Variants in RASA3 observed in about 807,000 individuals in gnomAD.
The protein encoded by RASA3 is ras GTPase-activating protein 3.
A neutral mutation model predicts 110.0 loss-of-function variants in RASA3; 73 were observed. The observed-to-expected ratio is 0.66, with a 90% CI of 0.55 to 0.81. The LOEUF (loss-of-function observed/expected upper bound fraction) is 0.81, where lower values mean the gene tolerates loss of function less well. Among genes scored for constraint, RASA3 ranks in the 30% least tolerant of loss-of-function variants. The probability of loss-of-function intolerance (pLI) is 0.00; values close to 1 mark genes in which losing one functional copy is unlikely to be tolerated. For missense variants in RASA3, 976 were observed against 1,113.2 expected, an observed-to-expected ratio of 0.88 and a Z score of 1.75; for synonymous variants, 500 against 451.4, an observed-to-expected ratio of 1.11 and a Z score of -1.37.
intron 2 of RASA3, among the ~76,000 whole-genome samples, chr13:114,069,749 CT>C (rs563929191): frequency 1.8e-4 from 1 of 5,484 alleles, no homozygotes; most frequent in Non-Finnish European, 3.0e-4. Flanking sequence ...GGCTGGGAGA[CT>C]TGGGGGGCTG....
At chr13:114,040,243 G>A (rs1377614158) in intron 4 of RASA3, among the ~76,000 whole-genome samples, 1 of 152,118 alleles carries the variant, frequency 6.6e-6, no homozygotes, top group African/African-American at 2.4e-5. Context: ...GACAGAGCCT[G>A]CGCTCACTCC....
chr13:113,992,070 AC>A (rs1421300237), intron 22 of RASA3, among the ~76,000 whole-genome samples: 1 of 152,044 alleles, frequency 6.6e-6, no homozygotes, highest in Non-Finnish European at 1.5e-5. Flanking sequence ...ACACGCTCAC[AC>A]ATGTCCACAT....
chr13:114,118,339 A>G (rs2080324324), intron 1 of RASA3, among the ~76,000 whole-genome samples: 1 of 152,138 alleles, frequency 6.6e-6, no homozygotes, highest in African/African-American at 2.4e-5. Flanking sequence ...GTGGGAGGAC[A>G]TTTTAGTGGG....
intron 9 of RASA3, among the ~76,000 whole-genome samples, chr13:114,020,584 A>G (rs2053905278): frequency 6.6e-6 from 1 of 152,212 alleles, no homozygotes; most frequent in South Asian, 2.1e-4. Context: ...CTGGGAGTGC[A>G]CGCTTCCCGT....
At chr13:114,069,709 CAGGAGACTTGGGGGGCT>C (rs1566548295) in intron 2 of RASA3, among the ~76,000 whole-genome samples, 11 of 10,754 alleles carry the variant, frequency 1.0e-3, no homozygotes, top group African/African-American at 3.1e-3. Context: ...CTCGGGGGGC[CAGGAGACTTGGGGGGCT>C]GGGAGGCTCG....
At chr13:114,001,402 G>A (rs1302659325) in intron 18 of RASA3, among the ~76,000 whole-genome samples, 1 of 145,620 alleles carries the variant, frequency 6.9e-6, no homozygotes, top group Non-Finnish European at 1.5e-5. Flanking sequence ...AGGGCGGGCA[G>A]TGGACGCTCA....
chr13:113,989,413 C>T (rs1475906579), intron 22 of RASA3, among the ~76,000 whole-genome samples: 5 of 149,980 alleles, frequency 3.3e-5, no homozygotes, highest in Non-Finnish European at 7.4e-5. Context: ...ACTCACCCAT[C>T]CTTCCATCCA....
rs199726848 is a variant in RASA3 at position 114,010,062 on chromosome 13, T to TC, written c.1591-599dup. 6.0e-3 allele frequency among the ~76,000 whole-genome samples: 918 copies of TC among 152,146 alleles called. 4 individuals carry two copies. Among genetic ancestry groups the TC allele is most frequent in the African/African-American group, 0.021 (878 of 41,534 alleles). ...GTTTGGTGCAGACCTCGGAGGAGGC[T>TC]CAAGTGCCTGTTATGGAGTTTCCAG... On this transcript the variant is annotated intron_variant, in intron 16 of 23. Coordinates refer to ENST00000334062, the MANE Select transcript of RASA3 (RefSeq NM_007368.4).
intron 2 of RASA3, among the ~76,000 whole-genome samples, chr13:114,058,059 A>C (rs1237701571): frequency 6.6e-6 from 1 of 152,024 alleles, no homozygotes; most frequent in African/African-American, 2.4e-5. Flanking sequence ...CTATTCATTC[A>C]TTTTAGCACG....
intron 2 of RASA3, among the ~76,000 whole-genome samples, chr13:114,069,306 G>A (rs1468770106): frequency 6.6e-6 from 1 of 151,896 alleles, no homozygotes; most frequent in Non-Finnish European, 1.5e-5. Context: ...CGGCCAGAGA[G>A]CACCCTGGGG....
chr13:114,123,177 C>T (rs1343585460), intron 1 of RASA3, among the ~76,000 whole-genome samples: 5 of 152,214 alleles, frequency 3.3e-5, no homozygotes, highest in East Asian at 1.9e-4. Flanking sequence ...CACCGGACGC[C>T]GAGGTGGCCG....
chr13:114,119,344 A>G (rs1184060767), intron 1 of RASA3, among the ~76,000 whole-genome samples: 1 of 152,208 alleles, frequency 6.6e-6, no homozygotes, highest in Non-Finnish European at 1.5e-5. Context: ...GGAGAGAGAA[A>G]GGAATGCCAC....
chr13:114,003,627 T>C (rs1034750001), intron 18 of RASA3, among the ~76,000 whole-genome samples: 5 of 151,796 alleles, frequency 3.3e-5, no homozygotes, highest in African/African-American at 1.2e-4. Context: ...TGTGTAGCTG[T>C]TGGACGTGCC....
chr13:114,000,498 C>T lies in RASA3; in HGVS notation c.1849+328G>A, dbSNP rs191436494. Among the ~76,000 whole-genome samples the T allele has an allele frequency of 3.9e-5, 6 of 152,294 alleles. 1 individual carries two copies. The highest frequency in any genetic ancestry group is 1.4e-4 in the African/African-American group (6 of 41,568). The stretch of plus-strand genomic sequence containing the variant: ...AGGTGGTGGGAAGCCCCGTCTACCT[C>T]GGCGGAGCGGCACCCTGGCCATGAC... On this transcript the variant is annotated intron_variant, in intron 19 of 23. Coordinates refer to ENST00000334062, the MANE Select transcript of RASA3 (RefSeq NM_007368.4).
chr13:114,023,300 G>A (rs2053965061), intron 8 of RASA3, among the ~76,000 whole-genome samples: 2 of 151,778 alleles, frequency 1.3e-5, no homozygotes, highest in African/African-American at 2.4e-5. Flanking sequence ...CAGGCTTGGG[G>A]GCATCCCAGG....
At chr13:114,124,105 G>A (rs938273254) in intron 1 of RASA3, among the ~76,000 whole-genome samples, 20 of 152,174 alleles carry the variant, frequency 1.3e-4, no homozygotes, top group African/African-American at 3.9e-4. Context: ...CCCAGGACAC[G>A]CAGGTCAGCG....
intron 1 of RASA3, among the ~76,000 whole-genome samples, chr13:114,077,362 T>C (rs1472745029): frequency 7.0e-6 from 1 of 142,294 alleles, no homozygotes; most frequent in African/African-American, 2.7e-5. Context: ...TGCCTGACGA[T>C]GCCCAGTCCT....
At chr13:114,001,967 G>C (rs949658577) in intron 18 of RASA3, among the ~76,000 whole-genome samples, 10 of 152,254 alleles carry the variant, frequency 6.6e-5, no homozygotes, top group African/African-American at 2.4e-4. Context: ...AGGATGCAAG[G>C]CCTCAGCGAG....
chr13:114,047,873 C>A (rs2079079291), intron 3 of RASA3, among the ~76,000 whole-genome samples: 1 of 152,236 alleles, frequency 6.6e-6, no homozygotes, highest in African/African-American at 2.4e-5. Flanking sequence ...AGGAAATCCA[C>A]CCCAAAGGGG....
Sources: allele counts gnomAD v4.1 joint callset (sites outside exome capture counted in the v4.1 genomes callset), GRCh38; gene constraint gnomAD v4.1.1; transcripts MANE v1.5; gene names NCBI Gene and HGNC (gene_info 2026-07-23, HGNC 2026-07-21).